Variants in BTBD9 observed in about 807,000 individuals in gnomAD.
BTBD9 encodes the protein BTB domain containing 9.
In BTBD9, 49 loss-of-function variants were observed where a neutral mutation model predicts 64.3. That is an observed-to-expected ratio of 0.76 (90% confidence interval 0.61 to 0.97). The LOEUF is 0.97. BTBD9 is among the 50% of genes least tolerant of loss of function. BTBD9 has a pLI of 0.00. For synonymous variants in BTBD9, 260 were observed against 274.7 expected (o/e 0.95, Z 0.53); for missense variants, 598 against 762.1 (o/e 0.78, Z 2.53).
chr6:38,200,547 C>T (rs1762423109), intron 9 of BTBD9, among the ~76,000 whole-genome samples: 1 of 151,778 alleles, frequency 6.6e-6, no homozygotes, highest in Non-Finnish European at 1.5e-5. Flanking sequence ...AGACAGAAGA[C>T]CCAAATTAAC....
At chr6:38,538,682 A>C (rs1774130414) in intron 6 of BTBD9, among the ~76,000 whole-genome samples, 1 of 151,988 alleles carries the variant, frequency 6.6e-6, no homozygotes, top group Non-Finnish European at 1.5e-5. Context: ...ATTATAGCTC[A>C]CTGTAACCTC....
Position 38,598,109 on chromosome 6 carries a change from G to A in BTBD9, c.-15C>T, listed in dbSNP as rs757035407. ...CTGTTACTCATCTTGTGGAATAGAC[G>A]ATAGTCGTTGTTCTATCATATAAAG... is the stretch of plus-strand genomic sequence containing the variant. On this transcript the variant is annotated 5_prime_UTR_variant, in exon 2 of 11. Coordinates refer to ENST00000481247, the MANE Select transcript of BTBD9 (RefSeq NM_001099272.2). The A allele has an allele frequency of 7.1e-5, 115 of 1,609,322 alleles. No homozygotes were observed. Among genetic ancestry groups the A allele is most frequent in the South Asian group, 1.3e-4 (12 of 90,324 alleles).
intron 1 of BTBD9, among the ~76,000 whole-genome samples, chr6:38,621,459 G>A (rs534858161): frequency 1.3e-5 from 2 of 152,166 alleles, no homozygotes; most frequent in Non-Finnish European, 2.9e-5. Flanking sequence ...GTTCATTTGT[G>A]GAGAATGGGA....
chr6:38,626,620 A>T (rs1487635528), intron 1 of BTBD9, among the ~76,000 whole-genome samples: 1 of 152,204 alleles, frequency 6.6e-6, no homozygotes, highest in Admixed American at 6.5e-5. Flanking sequence ...GTCAATTCTT[A>T]TCATAAAGGA....
chr6:38,215,492 T>TGAAG, intron 9 of BTBD9, among the ~76,000 whole-genome samples: 1 of 152,316 alleles, frequency 6.6e-6, no homozygotes, highest in East Asian at 1.9e-4. Flanking sequence ...GAGCTGCTAA[T>TGAAG]GAAGGCCCTG....
In BTBD9 at chr6:38,451,101, C is replaced by G. The variant is rs542253772; in HGVS notation, c.1155-106008G>C. Among the ~76,000 whole-genome samples the G allele has an allele frequency of 3.9e-5, 6 of 152,230 alleles. No individual in the cohort carries two copies. The East Asian group carries it at 1.2e-3, about 29-fold the overall frequency. ...CTGCTTTTCCAATCACATATGATCC[C>G]CGATTACTCTAAACCTCTGTACCAC... On this transcript the variant is annotated intron_variant, in intron 6 of 10. Transcript: ENST00000481247.
chr6:38,493,053 C>A (rs1014595735), intron 6 of BTBD9, among the ~76,000 whole-genome samples: 1 of 152,084 alleles, frequency 6.6e-6, no homozygotes, highest in Non-Finnish European at 1.5e-5. Context: ...AACTTACATA[C>A]AAAAATTCCA....
intron 6 of BTBD9, among the ~76,000 whole-genome samples, chr6:38,417,304 C>G (rs1311302909): frequency 6.6e-6 from 1 of 152,198 alleles, no homozygotes; most frequent in Non-Finnish European, 1.5e-5. Context: ...GCCCTGTAGA[C>G]AAGTCAGGTG....
chr6:38,245,715 T>C (rs1179411708), intron 9 of BTBD9, among the ~76,000 whole-genome samples: 1 of 151,632 alleles, frequency 6.6e-6, no homozygotes. Flanking sequence ...TGTGGGGGGG[T>C]CAGTCAGTAG....
intron 7 of BTBD9, among the ~76,000 whole-genome samples, chr6:38,303,874 T>TATATATATATAC (rs368257334): frequency 0.035 from 2,869 of 81,320 alleles, 73 homozygotes; most frequent in Non-Finnish European, 0.054. Flanking sequence ...TATATATATA[T>TATATATATATAC]ACACACACAC....
At chr6:38,208,744 C>T (rs147545226) in intron 9 of BTBD9, among the ~76,000 whole-genome samples, 13 of 152,288 alleles carry the variant, frequency 8.5e-5, no homozygotes, top group Admixed American at 2.6e-4. Context: ...ATAGCTGTCT[C>T]GCTGTCCAGA....
chr6:38,204,134 A>T (rs1762559942), intron 9 of BTBD9, among the ~76,000 whole-genome samples: 1 of 152,190 alleles, frequency 6.6e-6, no homozygotes, highest in Non-Finnish European at 1.5e-5. Context: ...GAATGTTCAA[A>T]GGTGTGGCCA....
At chr6:38,414,568 T>G (rs954478039) in intron 6 of BTBD9, among the ~76,000 whole-genome samples, 1 of 152,196 alleles carries the variant, frequency 6.6e-6, no homozygotes, top group African/African-American at 2.4e-5. Context: ...AATCTCCACT[T>G]TCTTTCTTCC....
chr6:38,490,637 T>C (rs1391387223), intron 6 of BTBD9, among the ~76,000 whole-genome samples: 2 of 152,146 alleles, frequency 1.3e-5, no homozygotes, highest in African/African-American at 4.8e-5. Flanking sequence ...CCAGTTCTAA[T>C]GCTCATTCTT....
chr6:38,354,432 T>C (rs1005416468), intron 6 of BTBD9, among the ~76,000 whole-genome samples: 1 of 152,170 alleles, frequency 6.6e-6, no homozygotes, highest in Non-Finnish European at 1.5e-5. Context: ...TATACAGTAT[T>C]GTTATATATG....
intron 6 of BTBD9, among the ~76,000 whole-genome samples, chr6:38,577,350 C>T (rs1268885376): frequency 1.3e-5 from 2 of 152,196 alleles, no homozygotes; most frequent in Non-Finnish European, 2.9e-5. Flanking sequence ...TTCCCTGTCC[C>T]TTCTCATTCA....
intron 6 of BTBD9, among the ~76,000 whole-genome samples, chr6:38,421,695 G>A (rs1767909481): frequency 6.6e-6 from 1 of 152,156 alleles, no homozygotes; most frequent in Non-Finnish European, 1.5e-5. Flanking sequence ...ACGAGAGGCC[G>A]ACTCTACTGA....
At chr6:38,299,125 C>A (rs1470174761) in intron 7 of BTBD9, among the ~76,000 whole-genome samples, 1 of 152,122 alleles carries the variant, frequency 6.6e-6, no homozygotes, top group South Asian at 2.1e-4. Context: ...TTTGTCCTTG[C>A]GATAGTTTGC....
intron 9 of BTBD9, among the ~76,000 whole-genome samples, chr6:38,233,324 TGTG>T (rs1455150368): frequency 1.3e-5 from 2 of 152,200 alleles, no homozygotes; most frequent in Admixed American, 6.5e-5. Context: ...TGTGCCAAGT[TGTG>T]GTGATTCAAA....
Sources: allele counts gnomAD v4.1 joint callset (sites outside exome capture counted in the v4.1 genomes callset), GRCh38; gene constraint gnomAD v4.1.1; transcripts MANE v1.5; gene names NCBI Gene and HGNC (gene_info 2026-07-23, HGNC 2026-07-21).